SLC12A2: variants seen among roughly 807,000 people sequenced by gnomAD.
The protein encoded by SLC12A2 is Na-K-2Cl cotransporter 1.
A neutral mutation model predicts 136.3 loss-of-function variants in SLC12A2; 67 were observed. That is an observed-to-expected ratio of 0.49 (90% CI 0.40 to 0.60). The LOEUF is 0.60. SLC12A2 is among the 20% of genes least tolerant of loss of function. The pLI is 0.00. For synonymous variants in SLC12A2, 619 were observed against 562.9 expected (o/e 1.10, Z -1.41); for missense variants, 1,322 against 1,534.7 (o/e 0.86, Z 2.32).
chr5:128,116,086 A>G (rs1761338266), intron 4 of SLC12A2, among the ~76,000 whole-genome samples: 1 of 152,162 alleles, frequency 6.6e-6, no homozygotes, highest in Non-Finnish European at 1.5e-5. Flanking sequence ...TCCATGCTTC[A>G]TTTCTCTCTG....
intron 13 of SLC12A2, 64 bp from the exon 14 acceptor site, chr5:128,151,177 A>C (rs557966923): frequency 1.5e-5 from 22 of 1,424,794 alleles, no homozygotes; most frequent in African/African-American, 1.4e-4. Context: ...TTTTGAATAC[A>C]TATGTACCAT....
At chr5:128,177,337 T>C (rs1763569776) in intron 21 of SLC12A2, among the ~76,000 whole-genome samples, 185 bp downstream of exon 21, 2 of 152,052 alleles carry the variant, frequency 1.3e-5, no homozygotes, top group Admixed American at 1.3e-4. Flanking sequence ...TCTCAGGAAA[T>C]GGAGTTATAT....
chr5:128,186,358 T>G, intron 26 of SLC12A2, 138 bp from the exon 27 acceptor site: 1 of 872,204 alleles, frequency 1.1e-6, no homozygotes, highest in South Asian at 1.9e-5. Flanking sequence ...AGAATTCTCC[T>G]GCACTCAGAA....
At chr5:128,102,473 C>T (rs534004986) in intron 1 of SLC12A2, among the ~76,000 whole-genome samples, 13 of 151,234 alleles carry the variant, frequency 8.6e-5, no homozygotes, top group African/African-American at 2.9e-4. Flanking sequence ...TCAGTTTTTC[C>T]TGCTTTAAAA....
In SLC12A2 at chr5:128,182,828, T is replaced by C. The variant is rs1763747344; in HGVS notation, c.3213-27T>C. 2.0e-6 allele frequency: 3 copies of C among 1,515,610 alleles called. 1 individual carries two copies. The Admixed American group carries it at 5.2e-5, about 26-fold the overall frequency. The allele number at this position is 1,515,610 out of a possible 1,614,324, so 93.9% of individuals were successfully genotyped here. ...CCAATATAGAATGAAAATACTTGTA[T>C]CTTAATTCTATTTATTTTTGTTGTA... On this transcript the variant is annotated intron_variant, in intron 23 of 26. Coordinates refer to ENST00000262461, the MANE Select transcript of SLC12A2 (RefSeq NM_001046.3).
rs184792960 is a variant in SLC12A2 at position 128,110,965 on chromosome 5, T to C, written c.757-1849T>C. 948 of 813,798 alleles carry C rather than the reference T, an allele frequency of 1.2e-3. 4 individuals carry two copies. The African/African-American group carries it at 0.014, about 12-fold the overall frequency. The allele number at this position is 813,798 out of a possible 1,614,324, so 50.4% of individuals were successfully genotyped here. Reference sequence around the variant, plus strand: ...TGAGAATGACCTCTTCCCTTGCACTTGCCATAGGAAAAAGACCAAAGATGA... The same window carrying C: ...TGAGAATGACCTCTTCCCTTGCACTCGCCATAGGAAAAAGACCAAAGATGA... On this transcript the variant is annotated intron_variant, in intron 1 of 26. Transcript: ENST00000262461.
chr5:128,108,549 C>T (rs1171886174), intron 1 of SLC12A2, among the ~76,000 whole-genome samples: 2 of 152,132 alleles, frequency 1.3e-5, no homozygotes, highest in African/African-American at 2.4e-5. Context: ...ACACATAAAG[C>T]CCACATCTTG....
chr5:128,141,927 T>G lies in SLC12A2; in HGVS notation c.1719T>G (p.Asp573Glu), dbSNP rs754094401. Residue 573 changes from aspartate to glutamate, a missense_variant, in exon 10 of 27, where the codon GAT becomes GAG. This residue lies in a region of SLC12A2 where 294 missense variants were observed against 436.6 expected (regional missense o/e 0.67). Coordinates refer to ENST00000262461, the MANE Select transcript of SLC12A2 (RefSeq NM_001046.3). ...CTSAACKLNF[D>E]FSSCESSPCS... ...CTGCAGCCTGCAAATTAAACTTTGA[T>G]TTTTCATCTTGTGAAAGCAGTCCTT... is the stretch of plus-strand genomic sequence containing the variant. 3 of 1,614,062 alleles carry G rather than the reference T, an allele frequency of 1.9e-6. No homozygotes were observed. Among genetic ancestry groups the G allele is most frequent in the Non-Finnish European group, 2.5e-6 (3 of 1,179,952 alleles).
chr5:128,152,691 A>T lies in SLC12A2; in HGVS notation c.2264-15A>T. 1 of 1,533,052 alleles carries T rather than the reference A, an allele frequency of 6.5e-7. No individual in the cohort carries two copies. Among genetic ancestry groups the T allele is most frequent in the Admixed American group, 1.7e-5 (1 of 59,908 alleles). The allele number at this position is 1,533,052 out of a possible 1,614,324, so 95.0% of individuals were successfully genotyped here. ...TTACTGATGTTAATGCTGCATGAAC[A>T]TTATCTTCCCACAGATGTGAATTGG... On this transcript the variant is annotated splice_polypyrimidine_tract_variant and intron_variant, in intron 14 of 26. Coordinates refer to ENST00000262461, the MANE Select transcript of SLC12A2 (RefSeq NM_001046.3).
chr5:128,111,134 G>GCAGT (rs1761128685), intron 1 of SLC12A2: 1 of 416,184 alleles, frequency 2.4e-6, no homozygotes, highest in African/African-American at 2.0e-5. Context: ...TTCTACTTAT[G>GCAGT]CAGTATTCTC....
intron 23 of SLC12A2, among the ~76,000 whole-genome samples, chr5:128,181,625 C>T (rs982957922): frequency 9.9e-5 from 15 of 152,076 alleles, no homozygotes; most frequent in African/African-American, 3.6e-4. Context: ...CCATATGATT[C>T]CTCTACCCAA....
intron 15 of SLC12A2, among the ~76,000 whole-genome samples, chr5:128,156,680 C>T (rs1413128852): frequency 6.6e-6 from 1 of 152,198 alleles, no homozygotes; most frequent in Non-Finnish European, 1.5e-5. Flanking sequence ...ACAGATGTTT[C>T]ATAGCAGGTA....
chr5:128,116,760 T>G (rs1403594004), intron 4 of SLC12A2, among the ~76,000 whole-genome samples: 1 of 152,216 alleles, frequency 6.6e-6, no homozygotes, highest in Non-Finnish European at 1.5e-5. Flanking sequence ...TTAGTGACTT[T>G]GGACAGCTGG....
At chr5:128,115,566 G>C (rs558885720) in intron 4 of SLC12A2, among the ~76,000 whole-genome samples, 26 of 152,256 alleles carry the variant, frequency 1.7e-4, no homozygotes, top group African/African-American at 6.3e-4. Flanking sequence ...AATGGAATCA[G>C]GATCCCTGAA....
At chr5:128,106,565 G>C (rs1760944293) in intron 1 of SLC12A2, among the ~76,000 whole-genome samples, 1 of 152,060 alleles carries the variant, frequency 6.6e-6, no homozygotes, top group Admixed American at 6.5e-5. Context: ...TTTGACTTTT[G>C]AATTTTATTG....
At chr5:128,133,021 C>G (rs898380284) in intron 5 of SLC12A2, among the ~76,000 whole-genome samples, 2 of 151,470 alleles carry the variant, frequency 1.3e-5, no homozygotes, top group Non-Finnish European at 2.9e-5. Flanking sequence ...CAATCATAGT[C>G]CATGAATCTA....
chr5:128,112,430 G>A (rs1561663930), intron 1 of SLC12A2, among the ~76,000 whole-genome samples: 2 of 152,216 alleles, frequency 1.3e-5, no homozygotes, highest in African/African-American at 4.8e-5. Context: ...AATTTCAGAT[G>A]TAGGACTGGT....
intron 1 of SLC12A2, chr5:128,110,269 A>G: frequency 1.2e-6 from 1 of 811,476 alleles, no homozygotes. Context: ...GTGGCTCCAC[A>G]GATTCCAAGG....
At chr5:128,171,585 C>G in intron 18 of SLC12A2, 82 bp from the exon 19 acceptor site, 1 of 810,978 alleles carries the variant, frequency 1.2e-6, no homozygotes, top group East Asian at 2.6e-5. Flanking sequence ...TAGAGATCAT[C>G]TATTATTTAT....
Sources: allele counts gnomAD v4.1 joint callset (sites outside exome capture counted in the v4.1 genomes callset), GRCh38; gene constraint gnomAD v4.1.1; regional missense constraint gnomAD v4.1.1; transcripts MANE v1.5; gene names NCBI Gene and HGNC (gene_info 2026-07-23, HGNC 2026-07-21).